Variants in CNTN5 observed in about 807,000 individuals in gnomAD.
CNTN5 encodes the protein contactin 5, also known as contactin-5.
A neutral mutation model predicts 129.1 loss-of-function variants in CNTN5; 77 were observed. The ratio of observed to expected loss-of-function variants is 0.60; its 90% confidence interval spans 0.50 to 0.72. The LOEUF is 0.72. Among genes scored for constraint, CNTN5 ranks in the 30% least tolerant of loss-of-function variants. CNTN5 has a pLI of 0.00. For synonymous variants in CNTN5, 509 were observed against 465.6 expected (o/e 1.09, Z -1.20); for missense variants, 1,478 against 1,328.8 (o/e 1.11, Z -1.75).
rs1179093670 is a variant in CNTN5 at position 99,122,022 on chromosome 11, T to C, written c.-210+100752T>C. On this transcript the variant is annotated intron_variant, in intron 1 of 24. Transcript: ENST00000524871. ...ATTATACTTTAAGTTCTAGGGTATG[T>C]ATGTACAACATGCAGGTTTGTTACA... Among the ~76,000 whole-genome samples, 3 of 152,080 alleles carry C rather than the reference T, an allele frequency of 2.0e-5. No individual in the cohort carries two copies. The East Asian group carries it at 5.8e-4, about 29-fold the overall frequency.
rs201717476 is a variant in CNTN5 at position 100,191,180 on chromosome 11, C to T, written c.1635C>T (p.Asp545=). Reference sequence around the variant, plus strand: ...GGATCCTAAATGCTTCCAAATCAGACGAGGGAAAGTACGTTTGCCGAGGGG... The same window carrying T: ...GGATCCTAAATGCTTCCAAATCAGATGAGGGAAAGTACGTTTGCCGAGGGG... ...SLRILNASKS[D]EGKYVCRGEN... The change falls in exon 14 of 25, where the codon GAC becomes GAT. Residue 545 remains aspartate (D), a synonymous_variant. Coordinates refer to ENST00000524871, the MANE Select transcript of CNTN5 (RefSeq NM_014361.4). 10 of 1,610,780 alleles carry T rather than the reference C, an allele frequency of 6.2e-6. No individual in the cohort carries two copies. The highest frequency in any genetic ancestry group is 1.3e-5 in the African/African-American group (1 of 74,854).
intron 6 of CNTN5, among the ~76,000 whole-genome samples, chr11:99,915,799 G>A (rs1013074105): frequency 6.6e-5 from 10 of 152,072 alleles, no homozygotes; most frequent in South Asian, 2.1e-4. Flanking sequence ...ATACTCCCTA[G>A]CATCTATACT....
intron 16 of CNTN5, among the ~76,000 whole-genome samples, chr11:100,236,595 T>G (rs896762828): frequency 3.9e-5 from 6 of 152,160 alleles, no homozygotes; most frequent in African/African-American, 1.4e-4. Context: ...CCATTTCACT[T>G]TAGGAGGCTT....
intron 3 of CNTN5, among the ~76,000 whole-genome samples, chr11:99,575,981 G>A (rs1264623714): frequency 1.3e-5 from 2 of 152,138 alleles, no homozygotes; most frequent in East Asian, 1.9e-4. Context: ...CCACACAGAG[G>A]GCCCCGGTGG....
At chr11:99,854,606 A>G (rs1947975850) in intron 6 of CNTN5, among the ~76,000 whole-genome samples, 1 of 152,226 alleles carries the variant, frequency 6.6e-6, no homozygotes, top group African/African-American at 2.4e-5. Flanking sequence ...TGAACAATTT[A>G]TAATGCCAGT....
intron 3 of CNTN5, among the ~76,000 whole-genome samples, chr11:99,726,454 A>G (rs1000494126): frequency 6.6e-6 from 1 of 152,206 alleles, no homozygotes; most frequent in Non-Finnish European, 1.5e-5. Flanking sequence ...AAATTACTAC[A>G]TGTTTTCTAC....
intron 3 of CNTN5, among the ~76,000 whole-genome samples, chr11:99,747,417 C>G (rs1354060564): frequency 6.7e-6 from 1 of 150,188 alleles, no homozygotes; most frequent in Non-Finnish European, 1.5e-5. Context: ...CTTGCCTAGC[C>G]TGGCTGAGAT....
At chr11:99,743,435 A>T (rs933464821) in intron 3 of CNTN5, among the ~76,000 whole-genome samples, 10 of 152,318 alleles carry the variant, frequency 6.6e-5, no homozygotes, top group African/African-American at 2.2e-4. Context: ...CAACTTACTT[A>T]TGCTGAATTC....
At chr11:99,700,464 G>A (rs1425560315) in intron 3 of CNTN5, among the ~76,000 whole-genome samples, 1 of 151,296 alleles carries the variant, frequency 6.6e-6, no homozygotes, top group African/African-American at 2.4e-5. Context: ...ACAAGGCAAG[G>A]CTATGCAGAC....
chr11:99,599,356 T>A (rs953411735), intron 3 of CNTN5, among the ~76,000 whole-genome samples: 30 of 152,148 alleles, frequency 2.0e-4, no homozygotes, highest in Middle Eastern at 3.2e-3. Flanking sequence ...GAGATTTTTT[T>A]AACATTGATT....
chr11:99,577,968 T>G (rs1949416709), intron 3 of CNTN5, among the ~76,000 whole-genome samples: 2 of 139,206 alleles, frequency 1.4e-5, no homozygotes, highest in African/African-American at 2.7e-5. Flanking sequence ...CCTAATGCTA[T>G]CCCTCCCCCC....
chr11:100,303,900 T>C (rs1251955550), intron 20 of CNTN5, among the ~76,000 whole-genome samples: 1 of 151,668 alleles, frequency 6.6e-6, no homozygotes, highest in Non-Finnish European at 1.5e-5. Context: ...CCTATAAAAG[T>C]TCAACTACAG....
At chr11:99,842,534 A>G (rs1235334786) in intron 4 of CNTN5, among the ~76,000 whole-genome samples, 1 of 152,226 alleles carries the variant, frequency 6.6e-6, no homozygotes, top group African/African-American at 2.4e-5. Flanking sequence ...TACTACTAGA[A>G]TTTGAACTTA....
chr11:99,181,618 T>C (rs543286264), intron 1 of CNTN5, among the ~76,000 whole-genome samples: 1 of 152,182 alleles, frequency 6.6e-6, no homozygotes, highest in Admixed American at 6.5e-5. Flanking sequence ...AGGTACTGAT[T>C]ACTAGCAGAC....
intron 3 of CNTN5, among the ~76,000 whole-genome samples, chr11:99,559,933 G>GA (rs534523240): frequency 2.0e-5 from 3 of 152,070 alleles, no homozygotes; most frequent in Admixed American, 2.0e-4. Context: ...ATGGCTAATT[G>GA]AAAAAAAGAT....
intron 9 of CNTN5, among the ~76,000 whole-genome samples, chr11:100,031,501 A>G (rs1242711521): frequency 6.6e-6 from 1 of 152,190 alleles, no homozygotes; most frequent in Non-Finnish European, 1.5e-5. Context: ...CAGATAAGAT[A>G]GGGCTATAAA....
chr11:99,675,598 T>C (rs1478886523), intron 3 of CNTN5, among the ~76,000 whole-genome samples: 2 of 151,950 alleles, frequency 1.3e-5, no homozygotes, highest in African/African-American at 4.8e-5. Flanking sequence ...GGTAGGAGAG[T>C]TGCTTTAACC....
intron 9 of CNTN5, among the ~76,000 whole-genome samples, chr11:100,050,482 G>C (rs1466591826): frequency 6.6e-6 from 1 of 151,990 alleles, no homozygotes; most frequent in African/African-American, 2.4e-5. Context: ...TTGTGGGGTG[G>C]GGAGAGGGGG....
chr11:100,343,148 T>A (rs1262499957), intron 23 of CNTN5, among the ~76,000 whole-genome samples: 1 of 152,186 alleles, frequency 6.6e-6, no homozygotes, highest in South Asian at 2.1e-4. Flanking sequence ...GCCAGTTCCC[T>A]CTTAATAAAG....
Sources: allele counts gnomAD v4.1 joint callset (sites outside exome capture counted in the v4.1 genomes callset), GRCh38; gene constraint gnomAD v4.1.1; transcripts MANE v1.5; gene names NCBI Gene and HGNC (gene_info 2026-07-23, HGNC 2026-07-21).